The following DHPS variants were observed in gnomAD, a reference collection of about 807,000 sequenced individuals.
DHPS encodes migration-inducing gene 13.
A neutral mutation model predicts 38.7 loss-of-function variants in DHPS; 24 were observed. The observed-to-expected ratio is 0.62, with a 90% CI of 0.45 to 0.87. The LOEUF (loss-of-function observed/expected upper bound fraction) is 0.87. Among genes scored for constraint, DHPS ranks in the 40% least tolerant of loss-of-function variants. DHPS has a pLI of 0.00. For missense variants in DHPS, 510 were observed against 497.6 expected (o/e 1.02, Z -0.24); for synonymous variants, 250 against 204.4 (o/e 1.22, Z -1.90).
intron 5 of DHPS, among the ~76,000 whole-genome samples, chr19:12,678,189 T>C (rs896303006): frequency 6.0e-5 from 9 of 148,874 alleles, no homozygotes; most frequent in Admixed American, 1.3e-4. Flanking sequence ...ACCCAGGAGG[T>C]AGAGGTTGCT....
Position 12,679,794 on chromosome 19 carries a change from TTC to T in DHPS, c.494+5_494+6del. ...CTCCCCTGCCCAACACCACTCAGGG[TTC>T]TCACCTATTGATCCCGTTCTCCCGG... On this transcript the variant is annotated splice_donor_5th_base_variant and intron_variant, in intron 3 of 8. Coordinates refer to ENST00000210060, the MANE Select transcript of DHPS (RefSeq NM_001930.4). 6.2e-7 allele frequency: 1 copy of T among 1,613,946 alleles called. No homozygotes were observed. Among genetic ancestry groups the T allele is most frequent in the East Asian group, 2.2e-5 (1 of 44,874 alleles).
rs1025762313 is a variant in DHPS at position 12,681,121 on chromosome 19, C to G, written c.207+439G>C. On this transcript the variant is annotated intron_variant, in intron 1 of 8. Coordinates refer to ENST00000210060, the MANE Select transcript of DHPS (RefSeq NM_001930.4). ...TGCTGGGATTATAGGCATGCGCCACCGCGCCCAGCCAGCCCCCACCCTTTT... is the reference window on the plus strand; with the variant it reads ...TGCTGGGATTATAGGCATGCGCCACGGCGCCCAGCCAGCCCCCACCCTTTT... 8 of 1,278,436 alleles carry G rather than the reference C, an allele frequency of 6.3e-6. No individual in the cohort carries two copies. The East Asian group carries it at 4.3e-4, about 69-fold the overall frequency. The allele number at this position is 1,278,436 out of a possible 1,614,324, so 79.2% of individuals were successfully genotyped here.
chr19:12,680,670 A>C (rs1368024088), intron 1 of DHPS, among the ~76,000 whole-genome samples: 2 of 150,120 alleles, frequency 1.3e-5, no homozygotes, highest in African/African-American at 4.9e-5. Flanking sequence ...AGTAGCTGGG[A>C]CTACAGGCGC....
downstream of DHPS, chr19:12,672,977 C>T (rs1267100776): frequency 1.2e-6 from 2 of 1,601,632 alleles, no homozygotes; most frequent in Admixed American, 3.4e-5. Flanking sequence ...GGGCACCCCA[C>T]CCTCACTCAC....
Position 12,679,607 on chromosome 19 carries a change from G to C in DHPS, c.591+16C>G. 6.2e-7 allele frequency: 1 copy of C among 1,614,090 alleles called. No individual in the cohort carries two copies. Among genetic ancestry groups the C allele is most frequent in the East Asian group, 2.2e-5 (1 of 44,874 alleles). On this transcript the variant is annotated intron_variant, in intron 4 of 8. Coordinates refer to ENST00000210060, the MANE Select transcript of DHPS (RefSeq NM_001930.4). ...ACTCCCACTGAACTGGCCCCTCCAGGTTGCCCCAGCCCCACCTCTGTGTTC... is the reference window on the plus strand; with the variant it reads ...ACTCCCACTGAACTGGCCCCTCCAGCTTGCCCCAGCCCCACCTCTGTGTTC...
Position 12,677,166 on chromosome 19 carries a change from C to A in DHPS, c.830G>T (p.Gly277Val). 6.2e-7 allele frequency: 1 copy of A among 1,614,204 alleles called. No homozygotes were observed. The highest frequency in any genetic ancestry group is 8.5e-7 in the Non-Finnish European group (1 of 1,180,036). ...NTQAIFAKCT[G>V]MIILGGGVVK... is the part of the protein sequence containing the mutation. The stretch of plus-strand genomic sequence containing the variant: ...CACGCCCCCGCCCAGAATGATCATC[C>A]CAGTGCACTTGGCAAAGATGGCCTG... The change falls in exon 7 of 9, where the codon GGG becomes GTG. Residue 277 changes from glycine to valine, a missense_variant. Coordinates refer to ENST00000210060, the MANE Select transcript of DHPS (RefSeq NM_001930.4).
In DHPS at chr19:12,680,230, C is replaced by CA; in HGVS notation, c.302dup (p.Tyr103IlefsTer12). On this transcript the variant is annotated frameshift_variant, in exon 2 of 9. Transcript: ENST00000210060. LOFTEE classifies it high-confidence loss of function. ...AACTGATGAGGTTGGATGTATATCC[C>CA]AGGAAAATGGTGCAGCTGGTAAGTG... 1 of 1,614,158 alleles carries CA rather than the reference C, an allele frequency of 6.2e-7. No homozygotes were observed. Among genetic ancestry groups the CA allele is most frequent in the Non-Finnish European group, 8.5e-7 (1 of 1,180,038 alleles).
chr19:12,674,435 G>A (rs2024510935), downstream of DHPS, among the ~76,000 whole-genome samples: 1 of 151,914 alleles, frequency 6.6e-6, no homozygotes, highest in East Asian at 1.9e-4. Flanking sequence ...CCCATAAGAG[G>A]ATGGAGGGAA....
chr19:12,673,398 G>GAGGT, downstream of DHPS: 1 of 500,206 alleles, frequency 2.0e-6, no homozygotes, highest in Non-Finnish European at 3.7e-6. Context: ...TCCAGGGCCT[G>GAGGT]AAGGCTAGGA....
chr19:12,679,585 C>T (rs201515162), intron 4 of DHPS, 38 bp downstream of exon 4: 10 of 1,614,060 alleles, frequency 6.2e-6, no homozygotes, highest in Non-Finnish European at 8.5e-6. Flanking sequence ...TCCCCTGACT[C>T]CCACTGAACT....
In DHPS at chr19:12,675,916, G is replaced by C; in HGVS notation, c.1032C>G (p.Ser344=). 6.2e-7 allele frequency: 1 copy of C among 1,608,542 alleles called. No individual in the cohort carries two copies. The highest frequency in any genetic ancestry group is 1.1e-5 in the South Asian group (1 of 90,368). The change falls in exon 9 of 9, where the codon TCC becomes TCG. Residue 344 remains serine, a synonymous_variant. Coordinates refer to ENST00000210060, the MANE Select transcript of DHPS (RefSeq NM_001930.4). The stretch of plus-strand genomic sequence containing the variant: ...CAGCCACAAGCAGGGGGAAGACCAG[G>C]GAGGCGTCAGCATAGACCTGGGTAG... ...AQPVKVYADA[S]LVFPLLVAET... is the part of the protein sequence containing the mutation.
downstream of DHPS, chr19:12,672,893 C>A: frequency 6.3e-7 from 1 of 1,597,834 alleles, no homozygotes; most frequent in Non-Finnish European, 8.5e-7. Context: ...GATGGGGCAG[C>A]TCTTCTCAGA....
intron 8 of DHPS, 26 bp downstream of exon 8, chr19:12,675,991 C>T (rs368247241): frequency 1.2e-6 from 2 of 1,610,770 alleles, no homozygotes; most frequent in South Asian, 1.1e-5. Flanking sequence ...CCCAGAGACC[C>T]TATGCCCCAC....
chr19:12,672,872 T>C (rs1277496829), downstream of DHPS: 1 of 1,593,608 alleles, frequency 6.3e-7, no homozygotes, highest in Non-Finnish European at 8.5e-7. Flanking sequence ...CGTGAGACGC[T>C]ATGACCTAAG....
intron 5 of DHPS, 114 bp downstream of exon 5, chr19:12,679,343 A>C: frequency 9.5e-7 from 1 of 1,049,502 alleles, no homozygotes; most frequent in Non-Finnish European, 1.5e-6. Context: ...GAGTCTCCTC[A>C]TCTAAGAGTG....
intron 1 of DHPS, among the ~76,000 whole-genome samples, chr19:12,680,628 G>C (rs2024775379): frequency 6.6e-6 from 1 of 151,564 alleles, no homozygotes; most frequent in Admixed American, 6.6e-5. Context: ...CCACCTCCCG[G>C]GTTCAAGCGA....
chr19:12,675,861 T>G lies in DHPS; in HGVS notation c.1087A>C (p.Met363Leu), dbSNP rs751841556. Reference sequence around the variant, plus strand: ...GCTCAGTCCTCGTTCTTCTCATGCATGAAGGCATCCATCTTCTGGGCAAAG... The same window carrying G: ...GCTCAGTCCTCGTTCTTCTCATGCAGGAAGGCATCCATCTTCTGGGCAAAG... ...ETFAQKMDAFMHEKNED is the reference protein window; with the variant it reads ...ETFAQKMDAFLHEKNED Residue 363 changes from methionine to leucine, a missense_variant, in exon 9 of 9, where the codon ATG becomes CTG. Met to Leu is a conservative substitution (Grantham distance 15). Coordinates refer to ENST00000210060, the MANE Select transcript of DHPS (RefSeq NM_001930.4). The G allele has an allele frequency of 5.6e-6, 9 of 1,608,022 alleles. No homozygotes were observed. The highest frequency in any genetic ancestry group is 7.6e-6 in the Non-Finnish European group (9 of 1,176,870).
Position 12,675,768 on chromosome 19 carries a change from T to A in DHPS, c.*70A>T, listed in dbSNP as rs1568316686. On this transcript the variant is annotated 3_prime_UTR_variant, in exon 9 of 9. Coordinates refer to ENST00000210060, the MANE Select transcript of DHPS (RefSeq NM_001930.4). The stretch of plus-strand genomic sequence containing the variant: ...TCTAGAGACGTAGCTGACCAAAAAG[T>A]AGGGGAGGGGCTGGGTCTGCAAATT... 6.4e-7 allele frequency: 1 copy of A among 1,566,028 alleles called. No homozygotes were observed. Among genetic ancestry groups the A allele is most frequent in the Admixed American group, 1.9e-5 (1 of 52,924 alleles).
downstream of DHPS, chr19:12,675,545 C>T (rs1180505241): frequency 6.2e-7 from 1 of 1,606,046 alleles, no homozygotes. Context: ...CTGGCCCTGC[C>T]TGTGGGTTCC....
Sources: gnomAD v4.1 joint callset for allele counts (sites outside exome capture counted in the v4.1 genomes callset) on GRCh38, gnomAD v4.1.1 for gene constraint, MANE v1.5 for transcripts, NCBI Gene and HGNC (gene_info 2026-07-23, HGNC 2026-07-21) for gene names.